GRM7: variants seen among roughly 807,000 people sequenced by gnomAD.
GRM7 encodes the protein glutamate metabotropic receptor 7, also known as metabotropic glutamate receptor 7.
GRM7 carries 35 observed loss-of-function variants against 84.5 expected under a neutral mutation model. The ratio of observed to expected loss-of-function variants is 0.41; its 90% CI spans 0.32 to 0.55. The LOEUF is 0.55. GRM7 is among the 20% of genes least tolerant of loss of function. The pLI is 0.19. For synonymous variants in GRM7, 487 were observed against 455.1 expected (o/e 1.07, Z -0.89); for missense variants, 1,003 against 1,194.6 (o/e 0.84, Z 2.36).
intron 2 of GRM7, among the ~76,000 whole-genome samples, chr3:7,156,401 G>A (rs115472464): frequency 3.1e-3 from 469 of 152,180 alleles, no homozygotes; most frequent in East Asian, 0.011. Context: ...TATTTTCTCC[G>A]AACAAATTCG....
intron 2 of GRM7, among the ~76,000 whole-genome samples, chr3:7,283,449 T>G (rs1348936486): frequency 6.6e-6 from 1 of 152,086 alleles, no homozygotes; most frequent in Non-Finnish European, 1.5e-5. Context: ...CAAAGTTCCG[T>G]TCAGACACAC....
chr3:7,611,466 A>C (rs1696843479), intron 8 of GRM7, among the ~76,000 whole-genome samples: 1 of 152,134 alleles, frequency 6.6e-6, no homozygotes, highest in African/African-American at 2.4e-5. Context: ...CCCTGTCTCC[A>C]CTGCTGCCAC....
chr3:6,990,884 A>G (rs1041208042), intron 1 of GRM7, among the ~76,000 whole-genome samples: 2 of 152,110 alleles, frequency 1.3e-5, no homozygotes, highest in Admixed American at 6.5e-5. Context: ...TTGGAGCTTT[A>G]TGTTCCTGTG....
chr3:7,058,480 A>G (rs1315049850), intron 1 of GRM7, among the ~76,000 whole-genome samples: 1 of 151,866 alleles, frequency 6.6e-6, no homozygotes, highest in Non-Finnish European at 1.5e-5. Context: ...TGTTGATGTC[A>G]ATATTTGATT....
At chr3:7,039,369 G>A (rs1482294161) in intron 1 of GRM7, among the ~76,000 whole-genome samples, 1 of 152,130 alleles carries the variant, frequency 6.6e-6, no homozygotes, top group African/African-American at 2.4e-5. Flanking sequence ...AATTTTTAAT[G>A]TTTTGTGACA....
intron 8 of GRM7, among the ~76,000 whole-genome samples, chr3:7,611,617 A>G (rs1696849820): frequency 6.6e-6 from 1 of 152,196 alleles, no homozygotes. Flanking sequence ...GAACTGGATA[A>G]GGAAACTGGA....
At chr3:7,316,655 G>C (rs1158357683) in intron 4 of GRM7, among the ~76,000 whole-genome samples, 1 of 152,142 alleles carries the variant, frequency 6.6e-6, no homozygotes, top group Non-Finnish European at 1.5e-5. Context: ...ACTATCATTA[G>C]AGCAGGTTTT....
At chr3:7,256,820 C>G (rs1308724452) in intron 2 of GRM7, among the ~76,000 whole-genome samples, 1 of 152,170 alleles carries the variant, frequency 6.6e-6, no homozygotes, top group Non-Finnish European at 1.5e-5. Flanking sequence ...AATAAAGAAG[C>G]TGCAATTTAA....
intron 2 of GRM7, among the ~76,000 whole-genome samples, chr3:7,222,031 A>T (rs1214063699): frequency 2.0e-5 from 3 of 151,160 alleles, no homozygotes; most frequent in African/African-American, 7.3e-5. Flanking sequence ...CTGGTTTCGA[A>T]CTCCTGACCT....
At chr3:7,001,226 T>A (rs1695003853) in intron 1 of GRM7, among the ~76,000 whole-genome samples, 1 of 152,194 alleles carries the variant, frequency 6.6e-6, no homozygotes, top group African/African-American at 2.4e-5. Context: ...GGTACATGCC[T>A]GTTGTCCCAG....
chr3:7,244,149 A>G (rs1266838181), intron 2 of GRM7, among the ~76,000 whole-genome samples: 2 of 152,118 alleles, frequency 1.3e-5, no homozygotes, highest in Non-Finnish European at 2.9e-5. Flanking sequence ...TTCTTCACTA[A>G]TAAGTTTAAC....
rs552640854 is a variant in GRM7 at position 6,992,548 on chromosome 3, T to G, written c.519+130641T>G. ...AAGGAACTATTTACAGAGCTGTGGA[T>G]AGGTTCAAGGGCGATAACATGGAAT... On this transcript the variant is annotated intron_variant, in intron 1 of 9. Transcript: ENST00000357716. 2.6e-5 allele frequency among the ~76,000 whole-genome samples: 4 copies of G among 152,276 alleles called. No individual in the cohort carries two copies. In the East Asian group the frequency reaches 7.7e-4, roughly 29 times the overall value.
chr3:7,015,979 G>T (rs1340025538), intron 1 of GRM7, among the ~76,000 whole-genome samples: 2 of 152,112 alleles, frequency 1.3e-5, no homozygotes, highest in African/African-American at 4.8e-5. Context: ...AGTTCTAAAG[G>T]ATTTTTTGAT....
chr3:7,043,848 C>T (rs941255372), intron 1 of GRM7, among the ~76,000 whole-genome samples: 2 of 152,180 alleles, frequency 1.3e-5, no homozygotes, highest in African/African-American at 4.8e-5. Flanking sequence ...TCCTACCCAG[C>T]ACCCTGCTCC....
intron 4 of GRM7, among the ~76,000 whole-genome samples, chr3:7,392,047 G>A (rs1222568761): frequency 3.9e-5 from 6 of 152,164 alleles, no homozygotes; most frequent in Non-Finnish European, 7.3e-5. Flanking sequence ...GCAGTTTCAC[G>A]TTTTCTTTGA....
chr3:7,566,262 A>G (rs1044792608), intron 7 of GRM7, among the ~76,000 whole-genome samples: 1 of 152,130 alleles, frequency 6.6e-6, no homozygotes, highest in Admixed American at 6.5e-5. Flanking sequence ...ATGTGTTTCA[A>G]TAAAACTTTA....
rs143824964 is a variant in GRM7 at position 7,464,623 on chromosome 3, G to T, written c.1515+2901G>T. ...AGGTGGGCAGATCACGAGGTCAGGAGATCAAGACCATCCTGGCTAACACTG... is the reference window on the plus strand; with the variant it reads ...AGGTGGGCAGATCACGAGGTCAGGATATCAAGACCATCCTGGCTAACACTG... On this transcript the variant is annotated intron_variant, in intron 7 of 9. Coordinates refer to ENST00000357716, the MANE Select transcript of GRM7 (RefSeq NM_000844.4). Among the ~76,000 whole-genome samples, 649 of 152,016 alleles carry T rather than the reference G, an allele frequency of 4.3e-3. 1 individual carries two copies. Among genetic ancestry groups the T allele is most frequent in the Middle Eastern group, 6.8e-3 (2 of 294 alleles).
intron 2 of GRM7, among the ~76,000 whole-genome samples, chr3:7,209,667 C>T (rs1696355254): frequency 6.6e-6 from 1 of 152,110 alleles, no homozygotes; most frequent in African/African-American, 2.4e-5. Context: ...CGAGGTAGCT[C>T]AAAGGCATAT....
intron 7 of GRM7, among the ~76,000 whole-genome samples, chr3:7,555,993 CAATT>C (rs1402754020): frequency 3.3e-5 from 5 of 152,126 alleles, no homozygotes; most frequent in Non-Finnish European, 7.3e-5. Flanking sequence ...ATTACACTCT[CAATT>C]AACCTGTCTT....
Sources: gnomAD v4.1 joint callset for allele counts (sites outside exome capture counted in the v4.1 genomes callset) on GRCh38, gnomAD v4.1.1 for gene constraint, MANE v1.5 for transcripts, NCBI Gene and HGNC (gene_info 2026-07-23, HGNC 2026-07-21) for gene names.